Variants in THSD7B observed in about 807,000 individuals in gnomAD.
THSD7B encodes thrombospondin type 1 domain containing 7B, also known as thrombospondin type-1 domain-containing protein 7B.
In THSD7B, 138 loss-of-function variants were observed where a neutral mutation model predicts 213.6. The observed-to-expected ratio is 0.65, with a 90% CI of 0.56 to 0.74. The LOEUF (loss-of-function observed/expected upper bound fraction) is 0.74. THSD7B is among the 30% of genes least tolerant of loss of function. The probability of loss-of-function intolerance (pLI) is 0.00; values close to 1 mark genes in which losing one functional copy is unlikely to be tolerated. For missense variants in THSD7B, 1,931 were observed against 1,991.5 expected, an observed-to-expected ratio of 0.97 and a Z score of 0.58; for synonymous variants, 742 against 687.0, an observed-to-expected ratio of 1.08 and a Z score of -1.25.
intron 2 of THSD7B, among the ~76,000 whole-genome samples, chr2:137,015,343 A>T (rs1357327050): frequency 6.6e-6 from 1 of 151,986 alleles, no homozygotes; most frequent in Non-Finnish European, 1.5e-5. Flanking sequence ...GTATTCTTAG[A>T]CTTGAGGGCT....
chr2:137,598,300 A>G (rs560819635), intron 17 of THSD7B, among the ~76,000 whole-genome samples: 2 of 152,316 alleles, frequency 1.3e-5, no homozygotes, highest in South Asian at 4.1e-4. Context: ...TCACTGCTAC[A>G]TCTGATAAAT....
At chr2:136,874,727 G>A (rs933808416) in intron 1 of THSD7B, among the ~76,000 whole-genome samples, 6 of 152,140 alleles carry the variant, frequency 3.9e-5, no homozygotes, top group African/African-American at 1.4e-4. Flanking sequence ...AGGAGAAACT[G>A]TGTTTTTTAT....
chr2:136,804,187 C>G (rs2104924545), intron 1 of THSD7B, among the ~76,000 whole-genome samples: 1 of 152,214 alleles, frequency 6.6e-6, no homozygotes, highest in Non-Finnish European at 1.5e-5. Context: ...GTGAATACTG[C>G]CTTGGTCATG....
At chr2:136,798,397 A>G (rs2433920) in intron 1 of THSD7B, among the ~76,000 whole-genome samples, 109,131 of 151,724 alleles carry the variant, frequency 0.72, 39,611 homozygotes, top group East Asian at 0.97. Context: ...TGCTTTAGGC[A>G]TCATAGATTG....
At chr2:136,821,318 C>T (rs1002275590) in intron 1 of THSD7B, among the ~76,000 whole-genome samples, 1 of 152,020 alleles carries the variant, frequency 6.6e-6, no homozygotes, top group African/African-American at 2.4e-5. Context: ...CTTCTCAGTC[C>T]CTCCTGATAA....
chr2:136,988,882 G>A (rs1172621317), intron 2 of THSD7B, among the ~76,000 whole-genome samples: 1 of 152,120 alleles, frequency 6.6e-6, no homozygotes, highest in Non-Finnish European at 1.5e-5. Context: ...TAAGGATGCA[G>A]GAATGAATCA....
At chr2:137,041,638 A>T (rs962479422) in intron 2 of THSD7B, among the ~76,000 whole-genome samples, 2 of 149,142 alleles carry the variant, frequency 1.3e-5, no homozygotes, top group African/African-American at 2.5e-5. Context: ...ATGCAATATT[A>T]TATAATATGT....
At chr2:137,441,893 C>CT (rs1687419654) in intron 14 of THSD7B, among the ~76,000 whole-genome samples, 1 of 152,008 alleles carries the variant, frequency 6.6e-6, no homozygotes, top group East Asian at 1.9e-4. Flanking sequence ...TACCAATCAC[C>CT]TACCCCAAAA....
At position 137,115,227 on chromosome 2, in the gene THSD7B, A is replaced by T; in HGVS notation, c.1303A>T (p.Ile435Phe). ...GACGGGACCCGTGTGTGGCGGTGGG[A>T]TCCAGACCCGGGAGGTGTACTGTGC... is the stretch of plus-strand genomic sequence containing the variant. ...HVTGPVCGGGIQTREVYCAQS... is the reference protein window; with the variant it reads ...HVTGPVCGGGFQTREVYCAQS... Residue 435 changes from isoleucine to phenylalanine, a missense_variant, in exon 5 of 28, where the codon ATC (isoleucine) becomes TTC (phenylalanine). By Grantham distance (21) the Ile-to-Phe change is conservative. Transcript: ENST00000409968. 6.2e-7 allele frequency: 1 copy of T among 1,613,580 alleles called. No individual in the cohort carries two copies. The highest frequency in any genetic ancestry group is 8.5e-7 in the Non-Finnish European group (1 of 1,179,702).
At chr2:137,013,718 A>AC (rs1686282436) in intron 2 of THSD7B, among the ~76,000 whole-genome samples, 1 of 151,030 alleles carries the variant, frequency 6.6e-6, no homozygotes, top group African/African-American at 2.4e-5. Flanking sequence ...CCCATCCTCC[A>AC]CCCCCTACAC....
intron 5 of THSD7B, among the ~76,000 whole-genome samples, chr2:137,130,766 T>C (rs1440450827): frequency 8.2e-5 from 11 of 134,634 alleles, no homozygotes; most frequent in Non-Finnish European, 1.8e-4. Context: ...ATTTTCTTAA[T>C]CCAGTCTATC....
intron 1 of THSD7B, among the ~76,000 whole-genome samples, chr2:136,872,184 G>A (rs551879396): frequency 5.3e-5 from 8 of 152,212 alleles, no homozygotes; most frequent in African/African-American, 1.7e-4. Flanking sequence ...CACAAAACAG[G>A]AAGTCCAGAA....
intron 1 of THSD7B, among the ~76,000 whole-genome samples, chr2:136,790,107 TTGTGTGTGTGTTTGTGTGTGTGTG>T (rs1414701825): frequency 8.7e-5 from 13 of 149,518 alleles, no homozygotes; most frequent in African/African-American, 2.2e-4. Context: ...CTTTCCTGGT[TTGTGTGTGTGTTTGTGTGTGTGTG>T]TGTGTGTGTG....
intron 1 of THSD7B, among the ~76,000 whole-genome samples, chr2:136,770,366 G>A (rs184882033): frequency 4.1e-4 from 63 of 152,250 alleles, no homozygotes; most frequent in Middle Eastern, 3.4e-3. Context: ...TTGTGCTTAC[G>A]TTAGACTTAT....
At chr2:137,500,159 C>A (rs1173032335) in intron 15 of THSD7B, among the ~76,000 whole-genome samples, 1 of 152,060 alleles carries the variant, frequency 6.6e-6, no homozygotes, top group African/African-American at 2.4e-5. Flanking sequence ...TATTTAAATC[C>A]TGACCTAATT....
chr2:136,860,600 A>T (rs1305363935), intron 1 of THSD7B, among the ~76,000 whole-genome samples: 2 of 152,118 alleles, frequency 1.3e-5, no homozygotes, highest in Non-Finnish European at 2.9e-5. Context: ...TTTCTTACTG[A>T]CATCTAATCC....
Position 137,041,269 on chromosome 2 carries a change from AGAAG to A in THSD7B, c.140-15147_140-15144del, listed in dbSNP as rs1173265871. On this transcript the variant is annotated intron_variant, in intron 2 of 27. Transcript: ENST00000409968. Reference sequence around the variant, plus strand: ...GGGATAGTCACACATTTGTTTGCATAGAAGGAAAAGAAGCAGAAGTCTCCTTGAG... The same window carrying A: ...GGGATAGTCACACATTTGTTTGCATAGAAAAGAAGCAGAAGTCTCCTTGAG... Among the ~76,000 whole-genome samples, 6 of 152,314 alleles carry A rather than the reference AGAAG, an allele frequency of 3.9e-5. No homozygotes were observed. The East Asian group carries it at 1.2e-3, about 29-fold the overall frequency.
At chr2:137,337,914 A>G in intron 12 of THSD7B, among the ~76,000 whole-genome samples, 1 of 152,172 alleles carries the variant, frequency 6.6e-6, no homozygotes, top group East Asian at 1.9e-4. Context: ...ATGGCTCCCA[A>G]TGTTAATTTT....
intron 3 of THSD7B, among the ~76,000 whole-genome samples, chr2:137,092,913 T>C (rs1357723579): frequency 2.0e-5 from 3 of 152,196 alleles, no homozygotes; most frequent in African/African-American, 7.2e-5. Context: ...GTTGGGATTA[T>C]AGGCGTAAGC....
Sources: gnomAD v4.1 joint callset for allele counts (sites outside exome capture counted in the v4.1 genomes callset) on GRCh38, gnomAD v4.1.1 for gene constraint, MANE v1.5 for transcripts, NCBI Gene and HGNC (gene_info 2026-07-23, HGNC 2026-07-21) for gene names.